Variants in MTMR10 observed in about 807,000 individuals in gnomAD.
MTMR10 encodes the protein myotubularin-related protein 10.
Under a neutral mutation model 88.1 loss-of-function variants are expected in MTMR10, and 56 were observed. The ratio of observed to expected loss-of-function variants is 0.64; its 90% CI spans 0.51 to 0.79. The LOEUF is 0.79. MTMR10 is among the 30% of genes least tolerant of loss of function. MTMR10 has a pLI of 0.00. For synonymous variants in MTMR10, 380 were observed against 340.9 expected, an observed-to-expected ratio of 1.11 and a Z score of -1.26; for missense variants, 883 against 924.7, an observed-to-expected ratio of 0.95 and a Z score of 0.58.
chr15:30,954,257 T>C (rs1222251151), intron 10 of MTMR10, among the ~76,000 whole-genome samples: 1 of 152,230 alleles, frequency 6.6e-6, no homozygotes, highest in African/African-American at 2.4e-5. Context: ...CCTGGTGACT[T>C]AGAGGATCTC....
intron 14 of MTMR10, chr15:30,946,274 T>G (rs549312681): frequency 6.5e-6 from 1 of 154,422 alleles, no homozygotes; most frequent in African/African-American, 2.4e-5. Flanking sequence ...TTAGGAAAAT[T>G]TGCATAATGA....
intron 7 of MTMR10, among the ~76,000 whole-genome samples, 164 bp from the exon 8 acceptor site, chr15:30,959,285 C>G (rs2063369521): frequency 6.6e-6 from 1 of 152,180 alleles, no homozygotes; most frequent in Non-Finnish European, 1.5e-5. Flanking sequence ...TCCTACACCT[C>G]TTAGTCTAAA....
chr15:30,929,701 ATT>A, the MTMR10 span, among the ~76,000 whole-genome samples: 1 of 60,996 alleles, frequency 1.6e-5, no homozygotes, highest in Non-Finnish European at 3.3e-5. Flanking sequence ...TAAAATATAT[ATT>A]ATATCATATA....
intron 2 of MTMR10, among the ~76,000 whole-genome samples, chr15:30,984,364 G>A (rs1405099257): frequency 6.6e-6 from 1 of 152,192 alleles, no homozygotes; most frequent in Non-Finnish European, 1.5e-5. Context: ...AGATAGTACA[G>A]TTACACTGTT....
chr15:30,921,151 T>C, the MTMR10 span, among the ~76,000 whole-genome samples: 1 of 152,110 alleles, frequency 6.6e-6, no homozygotes, highest in Non-Finnish European at 1.5e-5. Flanking sequence ...CTTGGATTAG[T>C]AGAGAGAAGA....
rs1282151048 is a variant in MTMR10, at chr15:30,941,811, C to T, written c.1993G>A (p.Val665Ile). The T allele has an allele frequency of 6.2e-7, 1 of 1,614,056 alleles. No homozygotes were observed. Among genetic ancestry groups the T allele is most frequent in the Non-Finnish European group, 8.5e-7 (1 of 1,179,906 alleles). Residue 665 changes from valine to isoleucine, a missense_variant, in exon 16 of 16, where the codon GTT becomes ATT. Val to Ile is a conservative substitution (Grantham distance 29, BLOSUM62 3). Around this residue, in one of 3 missense-constraint regions of MTMR10, gnomAD observed 343 missense variants for 323.2 expected, o/e 1.06. Coordinates refer to ENST00000435680, the MANE Select transcript of MTMR10 (RefSeq NM_017762.3). Reference sequence around the variant, plus strand: ...CCCAGGCTGATCTGGGCCTCGGGAACCCAGCGGAAGTAGCACAGTTTCCAC... The same window carrying T: ...CCCAGGCTGATCTGGGCCTCGGGAATCCAGCGGAAGTAGCACAGTTTCCAC... ...KLWKLCYFRW[V>I]PEAQISLGGS...
At chr15:30,925,205 G>A in the MTMR10 span, 21 of 1,613,928 alleles carry the variant, frequency 1.3e-5, no homozygotes, top group South Asian at 1.4e-4. Flanking sequence ...TCAGCGAGCC[G>A]TGCGCCTGCG....
At chr15:30,925,215 G>A in the MTMR10 span, 3 of 1,614,052 alleles carry the variant, frequency 1.9e-6, no homozygotes, top group Middle Eastern at 1.6e-4. Flanking sequence ...GTGCGCCTGC[G>A]AGAGTCTCCG....
chr15:30,937,147 G>A (rs369323241), downstream of MTMR10: 118 of 1,613,540 alleles, frequency 7.3e-5, no homozygotes, highest in Non-Finnish European at 8.3e-5. Context: ...CCCAATGATC[G>A]TCTTTCACAT....
chr15:30,930,908 G>A, the MTMR10 span, among the ~76,000 whole-genome samples: 1 of 152,138 alleles, frequency 6.6e-6, no homozygotes, highest in Non-Finnish European at 1.5e-5. Context: ...GACTTGATGT[G>A]GACATGATGT....
Position 30,941,185 on chromosome 15 carries a change from GAAAAATGGATGGAGAC to G in MTMR10, c.*269_*284del, listed in dbSNP as rs2063036087. On this transcript the variant is annotated 3_prime_UTR_variant, in exon 16 of 16. Transcript: ENST00000435680. ...TCAGATAGCCTTCAGGAGGTGGTAG[GAAAAATGGATGGAGAC>G]AAAAATGTAGCAGACAACATGAACA... 12 of 1,339,874 alleles carry G rather than the reference GAAAAATGGATGGAGAC, an allele frequency of 9.0e-6. No individual in the cohort carries two copies. The highest frequency in any genetic ancestry group is 2.0e-4 in the Middle Eastern group (1 of 5,000). 83.0% of individuals were successfully genotyped at this position (1,339,874 alleles called of 1,614,324 possible). A position where few individuals can be genotyped will look rare whatever the true frequency, so the allele number is the denominator to read the frequency against.
rs772107849 is a variant in MTMR10, at chr15:30,941,222, G to C, written c.*248C>G. ...GAGACAAAAATGTAGCAGACAACAT[G>C]AACAGTTTGATCACGGTTACAAGAG... is the stretch of plus-strand genomic sequence containing the variant. On this transcript the variant is annotated 3_prime_UTR_variant, in exon 16 of 16. Transcript: ENST00000435680. 1 of 1,402,250 alleles carries C rather than the reference G, an allele frequency of 7.1e-7. No individual in the cohort carries two copies. Among genetic ancestry groups the C allele is most frequent in the Non-Finnish European group, 9.4e-7 (1 of 1,063,100 alleles). The allele number at this position is 1,402,250 out of a possible 1,614,324, so 86.9% of individuals were successfully genotyped here. A position where few individuals can be genotyped will look rare whatever the true frequency, so the allele number is the denominator to read the frequency against.
intron 6 of MTMR10, chr15:30,966,189 A>C (rs1179376191): frequency 3.1e-6 from 1 of 324,278 alleles, no homozygotes; most frequent in East Asian, 8.2e-5. Context: ...TTTCAGTATT[A>C]ATCATCAAAT....
At chr15:30,951,557 T>C (rs1358558801) in intron 12 of MTMR10, among the ~76,000 whole-genome samples, 4 of 152,254 alleles carry the variant, frequency 2.6e-5, no homozygotes, top group South Asian at 4.1e-4. Flanking sequence ...TGGAGTGCAG[T>C]GGTGCGATCT....
the MTMR10 span, among the ~76,000 whole-genome samples, chr15:30,926,292 G>C: frequency 6.6e-6 from 1 of 152,178 alleles, no homozygotes; most frequent in Non-Finnish European, 1.5e-5. Context: ...CCCTTCCCTG[G>C]GATTTTAGAA....
rs1442498084 is a variant in MTMR10 at position 30,941,550 on chromosome 15, T to C, written c.2254A>G (p.Ile752Val). The C allele has an allele frequency of 6.2e-7, 1 of 1,604,866 alleles. No individual in the cohort carries two copies. Among genetic ancestry groups the C allele is most frequent in the East Asian group, 2.2e-5 (1 of 44,700 alleles). Residue 752 changes from isoleucine to valine, a missense_variant, in exon 16 of 16, where the codon ATT becomes GTT. Transcript: ENST00000435680. Reference sequence around the variant, plus strand: ...AATTTGCTTAATGGTGTTCCTAAAATGCTTCGTCTGCACAGATTCCCTACA... The same window carrying C: ...AATTTGCTTAATGGTGTTCCTAAAACGCTTCGTCTGCACAGATTCCCTACA... ...SPVGNLCRRS[I>V]LGTPLSKFLS... is the part of the protein sequence containing the mutation.
intron 3 of MTMR10, among the ~76,000 whole-genome samples, 160 bp downstream of exon 3, chr15:30,976,656 ATTC>A (rs2030175103): frequency 6.6e-6 from 1 of 152,226 alleles, no homozygotes; most frequent in African/African-American, 2.4e-5. Flanking sequence ...AAGTTCCAAC[ATTC>A]TTCTTAAACT....
intron 5 of MTMR10, among the ~76,000 whole-genome samples, chr15:30,969,339 G>A (rs2063510128): frequency 6.6e-6 from 1 of 152,020 alleles, no homozygotes; most frequent in Non-Finnish European, 1.5e-5. Flanking sequence ...TTCTATGACG[G>A]TCCCACTTGC....
chr15:30,939,656 TA>T lies in MTMR10; in HGVS notation c.*1813del, dbSNP rs1375340153. ...AACAACAATAAAATACTACAAGAGT[TA>T]AAATAAACGTGAAGGAAGAAAATTA... On this transcript the variant is annotated 3_prime_UTR_variant, in exon 16 of 16. Coordinates refer to ENST00000435680, the MANE Select transcript of MTMR10 (RefSeq NM_017762.3). The T allele has an allele frequency of 3.8e-6, 3 of 798,458 alleles. No individual in the cohort carries two copies. In the African/African-American group the frequency reaches 1.7e-4, roughly 44 times the overall value. 49.5% of individuals were successfully genotyped at this position (798,458 alleles called of 1,614,324 possible).
Sources: gnomAD v4.1 joint callset for allele counts (sites outside exome capture counted in the v4.1 genomes callset) on GRCh38, gnomAD v4.1.1 for gene constraint, gnomAD v4.1.1 regional missense constraint, MANE v1.5 for transcripts, NCBI Gene and HGNC (gene_info 2026-07-23, HGNC 2026-07-21) for gene names.